ARHGEF28: variants seen among roughly 807,000 people sequenced by gnomAD.
The protein encoded by ARHGEF28 is Rho guanine nucleotide exchange factor 28.
A neutral mutation model predicts 206.6 loss-of-function variants in ARHGEF28; 152 were observed. The observed-to-expected ratio is 0.74, with a 90% CI of 0.64 to 0.84. ARHGEF28 has a LOEUF of 0.84. Among genes scored for constraint, ARHGEF28 ranks in the 40% least tolerant of loss-of-function variants. ARHGEF28 has a pLI of 0.00. For missense variants in ARHGEF28, 2,028 were observed against 2,073.2 expected (o/e 0.98, Z 0.42); for synonymous variants, 763 against 776.4 (o/e 0.98, Z 0.29).
chr5:73,702,805 G>A (rs1280970422), intron 2 of ARHGEF28, among the ~76,000 whole-genome samples: 1 of 152,200 alleles, frequency 6.6e-6, no homozygotes, highest in East Asian at 1.9e-4. Context: ...CCCTTTGGGA[G>A]TAGGGATTTC....
chr5:73,870,864 G>A (rs1319204423), intron 21 of ARHGEF28, among the ~76,000 whole-genome samples: 1 of 152,196 alleles, frequency 6.6e-6, no homozygotes, highest in Non-Finnish European at 1.5e-5. Context: ...ATTCCAAAAT[G>A]TGGTTCCAAA....
intron 9 of ARHGEF28, among the ~76,000 whole-genome samples, chr5:73,826,884 C>T (rs550488257): frequency 2.0e-5 from 3 of 152,312 alleles, no homozygotes; most frequent in African/African-American, 7.2e-5. Flanking sequence ...TCACCTAGAT[C>T]ACATTACAAA....
At chr5:73,633,991 A>G (rs184123367) in intron 1 of ARHGEF28, among the ~76,000 whole-genome samples, 1 of 152,222 alleles carries the variant, frequency 6.6e-6, no homozygotes. Flanking sequence ...GGAATTGTGC[A>G]ATTGGGTTTT....
intron 2 of ARHGEF28, among the ~76,000 whole-genome samples, chr5:73,707,610 A>G (rs550739931): frequency 4.6e-5 from 7 of 152,328 alleles, no homozygotes; most frequent in Admixed American, 2.6e-4. Flanking sequence ...CATATGGTCA[A>G]TTTAATTTAA....
At chr5:73,856,854 ATTTAGGTTGATT>A (rs1759073672) in intron 14 of ARHGEF28, among the ~76,000 whole-genome samples, 2 of 152,158 alleles carry the variant, frequency 1.3e-5, no homozygotes, top group Non-Finnish European at 2.9e-5. Flanking sequence ...TTGACATGAT[ATTTAGGTTGATT>A]TTTAATTTAT....
chr5:73,812,155 A>C (rs1287001759), intron 9 of ARHGEF28, among the ~76,000 whole-genome samples: 1 of 152,160 alleles, frequency 6.6e-6, no homozygotes, highest in Non-Finnish European at 1.5e-5. Flanking sequence ...TTTAAATTTG[A>C]AATTAAGTGG....
chr5:73,737,522 C>CTTTTCTTTTCTTTTCT (rs1580546282), intron 2 of ARHGEF28, among the ~76,000 whole-genome samples: 1 of 120,764 alleles, frequency 8.3e-6, no homozygotes. Context: ...CTTTTCTTTT[C>CTTTTCTTTTCTTTTCT]TTTTTTGTGA....
intron 1 of ARHGEF28, among the ~76,000 whole-genome samples, chr5:73,662,457 C>A (rs1745669709): frequency 6.6e-6 from 1 of 152,284 alleles, no homozygotes; most frequent in Non-Finnish European, 1.5e-5. Context: ...CACACTTGTC[C>A]AAGTGAAGAT....
chr5:73,807,708 A>T (rs1755594612), intron 9 of ARHGEF28, among the ~76,000 whole-genome samples: 2 of 151,044 alleles, frequency 1.3e-5, no homozygotes, highest in South Asian at 2.1e-4. Context: ...CTGGTCTCGA[A>T]CTCCTGACCT....
chr5:73,687,569 G>A (rs1252694753), intron 2 of ARHGEF28, among the ~76,000 whole-genome samples: 1 of 151,976 alleles, frequency 6.6e-6, no homozygotes, highest in African/African-American at 2.4e-5. Context: ...GGGTAATGTC[G>A]TGCAGACAGA....
chr5:73,630,999 C>T (rs1251624199), intron 1 of ARHGEF28, among the ~76,000 whole-genome samples: 1 of 152,122 alleles, frequency 6.6e-6, no homozygotes, highest in Non-Finnish European at 1.5e-5. Flanking sequence ...GAGTTATCTT[C>T]CTGGACTTAG....
intron 2 of ARHGEF28, among the ~76,000 whole-genome samples, chr5:73,748,499 C>T (rs759411564): frequency 8.5e-5 from 13 of 152,174 alleles, no homozygotes; most frequent in Non-Finnish European, 1.2e-4. Flanking sequence ...GAAAACCCTA[C>T]ACCGATTTTG....
chr5:73,640,512 T>G (rs1370320833), intron 1 of ARHGEF28, among the ~76,000 whole-genome samples: 1 of 152,200 alleles, frequency 6.6e-6, no homozygotes, highest in Non-Finnish European at 1.5e-5. Flanking sequence ...TTATTAATGT[T>G]AACAATTTTT....
intron 11 of ARHGEF28, among the ~76,000 whole-genome samples, chr5:73,843,029 C>T (rs1243071229): frequency 1.3e-5 from 2 of 151,012 alleles, no homozygotes; most frequent in Non-Finnish European, 2.9e-5. Context: ...TGTGAGCCCC[C>T]AGATCTCAAG....
intron 4 of ARHGEF28, among the ~76,000 whole-genome samples, chr5:73,761,125 C>T (rs1271823376): frequency 1.4e-5 from 2 of 144,114 alleles, no homozygotes; most frequent in Non-Finnish European, 3.2e-5. Context: ...AAGTCCCATT[C>T]CTGGCTTACC....
At chr5:73,877,336 C>T (rs918312547) in intron 22 of ARHGEF28, among the ~76,000 whole-genome samples, 10 of 149,488 alleles carry the variant, frequency 6.7e-5, no homozygotes, top group East Asian at 3.9e-4. Flanking sequence ...GTCTTGCTAG[C>T]GGTCTATCAA....
Position 73,646,635 on chromosome 5 carries a change from G to A in ARHGEF28, c.-12+20313G>A, listed in dbSNP as rs79461255. ...CTCTTCATCTTGCTTCTGGCCCTTC[G>A]GATCAATATAACCACTCTCTTTCCC... is the stretch of plus-strand genomic sequence containing the variant. On this transcript the variant is annotated intron_variant, in intron 1 of 35. Coordinates refer to ENST00000513042, the MANE Select transcript of ARHGEF28 (RefSeq NM_001177693.2). Among the ~76,000 whole-genome samples the A allele has an allele frequency of 4.6e-3, 694 of 152,064 alleles. 3 individuals are homozygous for A. Among genetic ancestry groups the A allele is most frequent in the African/African-American group, 0.016 (670 of 41,454 alleles).
At position 73,840,744 on chromosome 5, in the gene ARHGEF28, C is replaced by T; in HGVS notation, c.1411C>T (p.His471Tyr). ...GCATGGATTTGAAAAGGAACAAAGT[C>T]ATCTAAAGAAAAGAAGGTAAGAGTC... ...GWHGFEKEQSHLKKRSSSLDA... is the reference protein window; with the variant it reads ...GWHGFEKEQSYLKKRSSSLDA... The change falls in exon 11 of 36, where the codon CAT (histidine) becomes TAT (tyrosine). Residue 471 changes from histidine to tyrosine, a missense_variant. By Grantham distance (83) the His-to-Tyr change is moderately conservative. Coordinates refer to ENST00000513042, the MANE Select transcript of ARHGEF28 (RefSeq NM_001177693.2). The T allele has an allele frequency of 6.2e-7, 1 of 1,608,940 alleles. No homozygotes were observed. Among genetic ancestry groups the T allele is most frequent in the African/African-American group, 1.3e-5 (1 of 74,968 alleles).
chr5:73,840,647 C>G lies in ARHGEF28; in HGVS notation c.1314C>G (p.His438Gln). The G allele has an allele frequency of 6.2e-7, 1 of 1,613,804 alleles. No individual in the cohort carries two copies. Among genetic ancestry groups the G allele is most frequent in the East Asian group, 2.2e-5 (1 of 44,878 alleles). The part of the protein sequence containing the change: ...PLSENVEGTA[H>Q]TEAQQSFMSP... Reference sequence around the variant, plus strand: ...GTGAAAATGTCGAAGGGACAGCACACACTGAAGCCCAGCAGTCCTTCATGT... The same window carrying G: ...GTGAAAATGTCGAAGGGACAGCACAGACTGAAGCCCAGCAGTCCTTCATGT... Residue 438 changes from histidine to glutamine, a missense_variant, in exon 11 of 36, where the codon CAC becomes CAG. Transcript: ENST00000513042.
Sources: allele counts gnomAD v4.1 joint callset (sites outside exome capture counted in the v4.1 genomes callset), GRCh38; gene constraint gnomAD v4.1.1; transcripts MANE v1.5; gene names NCBI Gene and HGNC (gene_info 2026-07-23, HGNC 2026-07-21).